SGCD: variants seen among roughly 807,000 people sequenced by gnomAD.
The protein encoded by SGCD is delta-sarcoglycan.
In SGCD, 18 loss-of-function variants were observed where a neutral mutation model predicts 36.6. The observed-to-expected ratio is 0.49, with a 90% CI of 0.34 to 0.73. SGCD has a LOEUF of 0.73. SGCD is among the 30% of genes least tolerant of loss of function. The pLI, the probability that SGCD is intolerant of heterozygous loss-of-function variation, is 0.01. For missense variants in SGCD, 387 were observed against 346.7 expected, an observed-to-expected ratio of 1.12 and a Z score of -0.92; for synonymous variants, 133 against 130.6, an observed-to-expected ratio of 1.02 and a Z score of -0.12.
At chr5:156,728,460 G>A (rs370669948) in intron 7 of SGCD, among the ~76,000 whole-genome samples, 4 of 129,516 alleles carry the variant, frequency 3.1e-5, no homozygotes, top group South Asian at 2.6e-4. Context: ...GCAGTGAGCC[G>A]AGTTTGCGCC....
At chr5:156,152,239 C>T (rs1412034909) in intron 3 of SGCD, among the ~76,000 whole-genome samples, 1 of 151,554 alleles carries the variant, frequency 6.6e-6, no homozygotes, top group Admixed American at 6.6e-5. Flanking sequence ...GTTTCTTTGA[C>T]TAAGACATTG....
intron 3 of SGCD, among the ~76,000 whole-genome samples, chr5:156,479,288 G>A (rs1017897060): frequency 6.6e-6 from 1 of 151,878 alleles, no homozygotes; most frequent in Non-Finnish European, 1.5e-5. Context: ...TAGAGACGGG[G>A]TTTCAACATG....
chr5:156,692,937 C>T (rs1213367046), intron 7 of SGCD, among the ~76,000 whole-genome samples: 1 of 152,146 alleles, frequency 6.6e-6, no homozygotes, highest in Non-Finnish European at 1.5e-5. Context: ...ATGCACTAAC[C>T]GTGTGCCAGA....
At chr5:156,722,796 C>T (rs1050998360) in intron 7 of SGCD, among the ~76,000 whole-genome samples, 5 of 152,270 alleles carry the variant, frequency 3.3e-5, no homozygotes, top group African/African-American at 1.2e-4. Flanking sequence ...TTATAACAAG[C>T]TGAAATCTCT....
chr5:156,419,356 A>G (rs1283958039), intron 3 of SGCD, among the ~76,000 whole-genome samples: 3 of 152,114 alleles, frequency 2.0e-5, no homozygotes, highest in Non-Finnish European at 4.4e-5. Flanking sequence ...TGTACAGCCT[A>G]TGGTCATCTT....
At chr5:156,293,458 G>A (rs536359484) in intron 3 of SGCD, among the ~76,000 whole-genome samples, 132 of 152,086 alleles carry the variant, frequency 8.7e-4, no homozygotes, top group Admixed American at 7.1e-3. Context: ...TTTAGCTCTT[G>A]CATGTAGGTC....
intron 1 of SGCD, among the ~76,000 whole-genome samples, chr5:156,047,210 C>CAACT (rs1174933374): frequency 6.6e-6 from 1 of 152,092 alleles, no homozygotes; most frequent in Admixed American, 6.6e-5. Flanking sequence ...AGAAAGAAAC[C>CAACT]AACTCCATCA....
the SGCD span, among the ~76,000 whole-genome samples, chr5:155,815,106 T>G: frequency 1.3e-5 from 2 of 152,194 alleles, no homozygotes; most frequent in Admixed American, 6.5e-5. Flanking sequence ...TCACTTATTT[T>G]TTATTTCGGA....
chr5:155,989,341 G>C (rs963247092), intron 1 of SGCD, among the ~76,000 whole-genome samples: 3 of 152,132 alleles, frequency 2.0e-5, no homozygotes. Flanking sequence ...TACTTTTCAT[G>C]AGTTATGACA....
chr5:156,104,228 T>C (rs1195007834), intron 1 of SGCD, among the ~76,000 whole-genome samples: 1 of 152,188 alleles, frequency 6.6e-6, no homozygotes, highest in Non-Finnish European at 1.5e-5. Flanking sequence ...ATTGTAATCT[T>C]CATATAAACT....
chr5:156,305,283 C>G (rs562445353), intron 3 of SGCD, among the ~76,000 whole-genome samples: 1 of 152,222 alleles, frequency 6.6e-6, no homozygotes, highest in African/African-American at 2.4e-5. Flanking sequence ...GGTGTCTGTG[C>G]TGTGTGCAGC....
At chr5:156,725,380 C>G (rs1755723307) in intron 7 of SGCD, among the ~76,000 whole-genome samples, 1 of 152,202 alleles carries the variant, frequency 6.6e-6, no homozygotes. Context: ...ATTAAAACCA[C>G]TTGAGCATCT....
chr5:155,754,758 G>A, the SGCD span, among the ~76,000 whole-genome samples: 98 of 152,168 alleles, frequency 6.4e-4, 1 homozygote, highest in Non-Finnish European at 1.3e-3. Context: ...ATTTATAACT[G>A]GAAGTTTATT....
At chr5:156,042,759 C>T (rs1759668400) in intron 1 of SGCD, among the ~76,000 whole-genome samples, 2 of 152,144 alleles carry the variant, frequency 1.3e-5, no homozygotes, top group East Asian at 1.9e-4. Context: ...GAAAAGACAT[C>T]TCAGAAGGCC....
chr5:156,174,394 A>G (rs1402880748), intron 3 of SGCD, among the ~76,000 whole-genome samples: 6 of 152,158 alleles, frequency 3.9e-5, no homozygotes, highest in African/African-American at 1.4e-4. Context: ...AACAAACAGT[A>G]GGTCATGTGG....
At chr5:156,541,058 G>A (rs1031797263) in intron 4 of SGCD, among the ~76,000 whole-genome samples, 15 of 152,140 alleles carry the variant, frequency 9.9e-5, no homozygotes, top group African/African-American at 3.4e-4. Flanking sequence ...ACCCACAGAA[G>A]CTAGCCATGG....
At chr5:156,592,478 C>T (rs1161815385) in intron 5 of SGCD, among the ~76,000 whole-genome samples, 1 of 152,174 alleles carries the variant, frequency 6.6e-6, no homozygotes, top group Admixed American at 6.5e-5. Context: ...GACATCTCAG[C>T]TCTTTCAAGA....
chr5:156,581,793 A>G (rs1760272316), intron 4 of SGCD, among the ~76,000 whole-genome samples: 1 of 152,158 alleles, frequency 6.6e-6, no homozygotes, highest in Non-Finnish European at 1.5e-5. Context: ...CAGTATTTGG[A>G]TGGGAGGGTC....
At chr5:155,895,319 T>C (rs1756226378) in intron 1 of SGCD, among the ~76,000 whole-genome samples, 1 of 152,254 alleles carries the variant, frequency 6.6e-6, no homozygotes, top group African/African-American at 2.4e-5. Context: ...GGATCCTTTC[T>C]CTTCAAACGC....
Sources: gnomAD v4.1 joint callset for allele counts (sites outside exome capture counted in the v4.1 genomes callset) on GRCh38, gnomAD v4.1.1 for gene constraint, MANE v1.5 for transcripts, NCBI Gene and HGNC (gene_info 2026-07-23, HGNC 2026-07-21) for gene names.